Variants in PSD2 observed in about 807,000 individuals in gnomAD.
PSD2 encodes PH and SEC7 domain-containing protein 2.
Under a neutral mutation model 69.8 loss-of-function variants are expected in PSD2, and 38 were observed. The ratio of observed to expected loss-of-function variants is 0.54; its 90% confidence interval spans 0.42 to 0.71. PSD2 has a LOEUF of 0.71. PSD2 is among the 30% of genes least tolerant of loss of function. The pLI, the probability that PSD2 is intolerant of heterozygous loss-of-function variation, is 0.00. For missense variants in PSD2, 943 were observed against 1,014.5 expected, an observed-to-expected ratio of 0.93 and a Z score of 0.96; for synonymous variants, 412 against 423.0, an observed-to-expected ratio of 0.97 and a Z score of 0.32.
intron 7 of PSD2, among the ~76,000 whole-genome samples, chr5:139,827,043 A>G (rs1002476838): frequency 6.6e-6 from 1 of 152,194 alleles, no homozygotes; most frequent in African/African-American, 2.4e-5. Context: ...TGGCCCAGAG[A>G]ATACCATGGG....
the PSD2 span, among the ~76,000 whole-genome samples, chr5:139,774,310 A>G: frequency 2.6e-5 from 4 of 152,112 alleles, no homozygotes; most frequent in African/African-American, 9.7e-5. Flanking sequence ...GATCTGGGAT[A>G]AGGAGTGGAG....
intron 7 of PSD2, among the ~76,000 whole-genome samples, chr5:139,832,239 A>C (rs1760614014): frequency 6.6e-6 from 1 of 152,228 alleles, no homozygotes; most frequent in South Asian, 2.1e-4. Flanking sequence ...AGTCTTACCA[A>C]CATTGCCCTC....
At chr5:139,805,517 T>C (rs546803788) in intron 1 of PSD2, among the ~76,000 whole-genome samples, 48 of 152,214 alleles carry the variant, frequency 3.2e-4, no homozygotes, top group African/African-American at 1.1e-3. Flanking sequence ...ACTTACATCC[T>C]AGTACAGAGA....
chr5:139,786,794 C>G, the PSD2 span, among the ~76,000 whole-genome samples: 1 of 152,136 alleles, frequency 6.6e-6, no homozygotes, highest in Non-Finnish European at 1.5e-5. Flanking sequence ...AAGCTCAGAC[C>G]TGCCTTAGCC....
chr5:139,755,922 G>T, the PSD2 span, among the ~76,000 whole-genome samples: 2 of 152,046 alleles, frequency 1.3e-5, no homozygotes, highest in Non-Finnish European at 1.5e-5. Context: ...CTTAAAAAAA[G>T]CACAATGCAA....
the PSD2 span, among the ~76,000 whole-genome samples, chr5:139,755,580 T>C: frequency 6.6e-6 from 1 of 152,012 alleles, no homozygotes; most frequent in Non-Finnish European, 1.5e-5. Flanking sequence ...CTTTGATATG[T>C]CTGTGTCTGT....
the PSD2 span, among the ~76,000 whole-genome samples, chr5:139,748,263 C>G: frequency 7.9e-5 from 12 of 150,972 alleles, no homozygotes; most frequent in East Asian, 2.4e-3. Flanking sequence ...ATCCATGATT[C>G]CATGATCACC....
At chr5:139,789,459 T>A in the PSD2 span, among the ~76,000 whole-genome samples, 1 of 152,226 alleles carries the variant, frequency 6.6e-6, no homozygotes, top group South Asian at 2.1e-4. Context: ...TTCTAATATT[T>A]ACAGCTGACT....
chr5:139,833,455 T>A (rs906951584), intron 7 of PSD2, among the ~76,000 whole-genome samples: 14 of 152,188 alleles, frequency 9.2e-5, no homozygotes, highest in Middle Eastern at 3.2e-3. Flanking sequence ...CAACTCTTCA[T>A]CCAGCCCAAC....
At chr5:139,744,284 C>T in the PSD2 span, among the ~76,000 whole-genome samples, 6 of 152,308 alleles carry the variant, frequency 3.9e-5, no homozygotes, top group Non-Finnish European at 8.8e-5. Context: ...CTGGGAGGCT[C>T]GGCCTCCAAC....
Position 139,836,751 on chromosome 5 carries a change from C to T in PSD2, c.1404-60C>T, listed in dbSNP as rs77780530. ...GGAGAGGAGGCTGGTGGGGAAAGGCCATGACGATGCGGGGCCGAGGCCTCC... is the reference window on the plus strand; with the variant it reads ...GGAGAGGAGGCTGGTGGGGAAAGGCTATGACGATGCGGGGCCGAGGCCTCC... On this transcript the variant is annotated intron_variant, in intron 9 of 14. Transcript: ENST00000274710. 1,371 of 1,497,262 alleles carry T rather than the reference C, an allele frequency of 9.2e-4. 10 individuals are homozygous for T. The African/African-American group carries it at 0.016, about 18-fold the overall frequency. The allele number at this position is 1,497,262 out of a possible 1,614,324, so 92.7% of individuals were successfully genotyped here.
chr5:139,769,427 T>C, the PSD2 span, among the ~76,000 whole-genome samples: 1 of 152,158 alleles, frequency 6.6e-6, no homozygotes, highest in Non-Finnish European at 1.5e-5. Flanking sequence ...GGCCTCCATG[T>C]GACCTGCTAC....
upstream of PSD2, among the ~76,000 whole-genome samples, chr5:139,791,822 A>T (rs553602862): frequency 1.8e-4 from 27 of 152,266 alleles, no homozygotes; most frequent in Non-Finnish European, 3.4e-4. Flanking sequence ...GACTTTGATG[A>T]GTGGTGTCAG....
At chr5:139,785,967 C>T in the PSD2 span, among the ~76,000 whole-genome samples, 9 of 152,154 alleles carry the variant, frequency 5.9e-5, no homozygotes, top group East Asian at 1.4e-3. Context: ...CATACACCCG[C>T]GGTCCCAGCT....
chr5:139,805,370 C>T (rs925278664), intron 1 of PSD2, among the ~76,000 whole-genome samples: 7 of 152,238 alleles, frequency 4.6e-5, no homozygotes, highest in African/African-American at 1.4e-4. Context: ...TCTCTCTTAG[C>T]CTCTGCCACA....
At chr5:139,755,776 T>G in the PSD2 span, among the ~76,000 whole-genome samples, 1 of 152,072 alleles carries the variant, frequency 6.6e-6, no homozygotes, top group South Asian at 2.1e-4. Context: ...GTAACTGTTC[T>G]GTGTGTATGC....
the PSD2 span, among the ~76,000 whole-genome samples, chr5:139,743,076 C>G: frequency 6.6e-5 from 10 of 152,230 alleles, no homozygotes; most frequent in African/African-American, 2.4e-4. Context: ...AGCTGAGACC[C>G]TCAGAAGAGA....
chr5:139,786,292 T>TG, the PSD2 span, among the ~76,000 whole-genome samples: 2 of 151,378 alleles, frequency 1.3e-5, no homozygotes, highest in Non-Finnish European at 2.9e-5. Flanking sequence ...GGCAGAGAGG[T>TG]GGGGGGATCA....
At chr5:139,755,925 C>T in the PSD2 span, among the ~76,000 whole-genome samples, 1 of 152,094 alleles carries the variant, frequency 6.6e-6, no homozygotes, top group Non-Finnish European at 1.5e-5. Context: ...AAAAAAAGCA[C>T]AATGCAAAAA....
Sources: allele counts gnomAD v4.1 joint callset (sites outside exome capture counted in the v4.1 genomes callset), GRCh38; gene constraint gnomAD v4.1.1; transcripts MANE v1.5; gene names NCBI Gene and HGNC (gene_info 2026-07-23, HGNC 2026-07-21).